Variants in STXBP5L observed in about 807,000 individuals in gnomAD.
The protein encoded by STXBP5L is syntaxin binding protein 5L, also known as syntaxin-binding protein 5-like.
In STXBP5L, 65 loss-of-function variants were observed where a neutral mutation model predicts 144.5. The ratio of observed to expected loss-of-function variants is 0.45; its 90% CI spans 0.37 to 0.55. STXBP5L has a LOEUF of 0.55. STXBP5L is among the 20% of genes least tolerant of loss of function. The pLI is 0.00. For synonymous variants in STXBP5L, 505 were observed against 469.6 expected (o/e 1.08, Z -0.97); for missense variants, 1,298 against 1,405.5 (o/e 0.92, Z 1.22).
chr3:121,188,673 T>TA (rs2047502886), intron 9 of STXBP5L, among the ~76,000 whole-genome samples: 1 of 152,202 alleles, frequency 6.6e-6, no homozygotes, highest in Non-Finnish European at 1.5e-5. Flanking sequence ...TCAATAAACG[T>TA]AATCCAGCAT....
chr3:121,418,298 T>G, intron 25 of STXBP5L, 39 bp from the exon 26 acceptor site: 1 of 1,577,352 alleles, frequency 6.3e-7, no homozygotes, highest in Non-Finnish European at 8.6e-7. Context: ...TTTGAATTAC[T>G]GACAAAATGT....
chr3:120,962,325 G>C (rs570656385), intron 3 of STXBP5L, among the ~76,000 whole-genome samples: 2 of 152,170 alleles, frequency 1.3e-5, no homozygotes, highest in African/African-American at 4.8e-5. Flanking sequence ...CATTGCTTTT[G>C]GTGTTTTAGT....
chr3:121,236,574 G>A (rs2049490322), intron 12 of STXBP5L, among the ~76,000 whole-genome samples: 1 of 152,206 alleles, frequency 6.6e-6, no homozygotes, highest in South Asian at 2.1e-4. Context: ...TGGGAACGAA[G>A]AGTGGGAACT....
At chr3:121,261,296 C>T (rs1408356239) in intron 18 of STXBP5L, among the ~76,000 whole-genome samples, 1 of 152,146 alleles carries the variant, frequency 6.6e-6, no homozygotes, top group Non-Finnish European at 1.5e-5. Context: ...AGAGCCTCCA[C>T]TGCAAAAATC....
intron 9 of STXBP5L, among the ~76,000 whole-genome samples, chr3:121,166,102 G>A (rs1344016367): frequency 4.0e-5 from 6 of 151,750 alleles, no homozygotes; most frequent in Admixed American, 3.9e-4. Context: ...TGTAACCTCT[G>A]CCTCTTGGAC....
intron 5 of STXBP5L, among the ~76,000 whole-genome samples, chr3:121,112,692 A>G (rs1408983305): frequency 6.6e-6 from 1 of 152,084 alleles, no homozygotes; most frequent in Non-Finnish European, 1.5e-5. Context: ...TGGAAAGCTA[A>G]GGATATCTTC....
intron 5 of STXBP5L, among the ~76,000 whole-genome samples, chr3:121,063,842 C>A (rs984467331): frequency 1.3e-5 from 2 of 152,088 alleles, no homozygotes; most frequent in Non-Finnish European, 2.9e-5. Context: ...CCCCTCCCCC[C>A]ACCAAGATAG....
intron 19 of STXBP5L, among the ~76,000 whole-genome samples, chr3:121,280,937 A>G (rs2051039400): frequency 6.6e-6 from 1 of 150,638 alleles, no homozygotes; most frequent in Admixed American, 6.6e-5. Context: ...ATAACTTTTT[A>G]AATTTTTTAA....
At chr3:120,944,450 CA>C (rs1402098366) in intron 2 of STXBP5L, among the ~76,000 whole-genome samples, 1 of 151,450 alleles carries the variant, frequency 6.6e-6, no homozygotes, top group Non-Finnish European at 1.5e-5. Context: ...TATAAAATTT[CA>C]AAAAATAAGT....
chr3:121,411,087 CA>C (rs150168178), intron 23 of STXBP5L, among the ~76,000 whole-genome samples: 97 of 152,192 alleles, frequency 6.4e-4, no homozygotes, highest in African/African-American at 2.2e-3. Context: ...TATAACAGAT[CA>C]TCTTTTAATA....
intron 9 of STXBP5L, among the ~76,000 whole-genome samples, chr3:121,165,970 C>CATTGT (rs2046484351): frequency 4.9e-4 from 1 of 2,042 alleles, no homozygotes; most frequent in South Asian, 0.028. Context: ...GCCCCTGTTC[C>CATTGT]ATTCTATTCT....
chr3:121,408,742 G>A (rs2047052241), intron 23 of STXBP5L, among the ~76,000 whole-genome samples: 1 of 151,950 alleles, frequency 6.6e-6, no homozygotes. Context: ...ACATACACAG[G>A]GAGGGAGAAG....
intron 3 of STXBP5L, among the ~76,000 whole-genome samples, chr3:121,019,269 A>G (rs1945372399): frequency 6.6e-6 from 1 of 152,088 alleles, no homozygotes; most frequent in African/African-American, 2.4e-5. Flanking sequence ...CTGCCCCTCA[A>G]CTGATGGTCT....
At chr3:120,970,421 T>A in intron 3 of STXBP5L, among the ~76,000 whole-genome samples, 1 of 152,178 alleles carries the variant, frequency 6.6e-6, no homozygotes, top group South Asian at 2.1e-4. Flanking sequence ...TCTTTGAATG[T>A]GTTTAAATGA....
chr3:121,205,944 G>T lies in STXBP5L; in HGVS notation c.899G>T (p.Arg300Ile). The T allele has an allele frequency of 6.6e-7, 1 of 1,512,506 alleles. No individual in the cohort carries two copies. Among genetic ancestry groups the T allele is most frequent in the South Asian group, 1.4e-5 (1 of 71,974 alleles). The allele number at this position is 1,512,506 out of a possible 1,614,324, so 93.7% of individuals were successfully genotyped here. The change falls in exon 10 of 27, where the codon AGA (arginine) becomes ATA (isoleucine). Residue 300 changes from arginine (R) to isoleucine (I), a missense_variant. By Grantham distance (97) the Arg-to-Ile change is moderately conservative. Coordinates refer to ENST00000471454, the MANE Select transcript of STXBP5L (RefSeq NM_001308330.2). ...IPHGKSQREG[R>I]KSESCKPILK... is the part of the protein sequence containing the mutation. ...TTAGGAAAAAGTCAAAGAGAAGGAA[G>T]AAAATCTGAATCTTGTAAACCAATT...
At chr3:121,290,084 C>T (rs2051371882) in intron 19 of STXBP5L, among the ~76,000 whole-genome samples, 1 of 151,724 alleles carries the variant, frequency 6.6e-6, no homozygotes, top group Admixed American at 6.6e-5. Context: ...TTGAAACAAA[C>T]AAAAAATACA....
chr3:121,413,051 T>C (rs983580235), intron 23 of STXBP5L, 107 bp from the exon 24 acceptor site: 82 of 954,538 alleles, frequency 8.6e-5, no homozygotes, highest in Admixed American at 1.4e-4. Context: ...AATAAAAAAA[T>C]AAAAAGAAAC....
intron 2 of STXBP5L, among the ~76,000 whole-genome samples, chr3:120,942,832 G>T (rs1313592086): frequency 6.6e-6 from 1 of 151,356 alleles, no homozygotes; most frequent in Non-Finnish European, 1.5e-5. Context: ...TGATTTTAAT[G>T]GGAATGACTG....
At chr3:121,178,334 A>G (rs1033480013) in intron 9 of STXBP5L, among the ~76,000 whole-genome samples, 1 of 152,220 alleles carries the variant, frequency 6.6e-6, no homozygotes, top group African/African-American at 2.4e-5. Flanking sequence ...TCTCCCTTAC[A>G]GGTAAGTTGG....
Sources: allele counts gnomAD v4.1 joint callset (sites outside exome capture counted in the v4.1 genomes callset), GRCh38; gene constraint gnomAD v4.1.1; transcripts MANE v1.5; gene names NCBI Gene and HGNC (gene_info 2026-07-23, HGNC 2026-07-21).